MYO3B: variants seen among roughly 807,000 people sequenced by gnomAD.
MYO3B encodes the protein myosin IIIB.
In MYO3B, 156 loss-of-function variants were observed where a neutral mutation model predicts 174.6. The observed-to-expected ratio is 0.89, with a 90% CI of 0.78 to 1.02. The LOEUF is 1.02. MYO3B is among the 50% of genes least tolerant of loss of function. The pLI is 0.00. For synonymous variants in MYO3B, 563 were observed against 569.1 expected (o/e 0.99, Z 0.15); for missense variants, 1,632 against 1,639.4 (o/e 1.00, Z 0.08).
intron 25 of MYO3B, among the ~76,000 whole-genome samples, chr2:170,477,055 C>G (rs1685361337): frequency 6.6e-6 from 1 of 152,136 alleles, no homozygotes; most frequent in Non-Finnish European, 1.5e-5. Context: ...GGTAGGTTTG[C>G]CTAGGCCTGC....
intron 28 of MYO3B, among the ~76,000 whole-genome samples, chr2:170,505,004 A>C (rs566762603): frequency 1.3e-3 from 201 of 152,228 alleles, no homozygotes; most frequent in African/African-American, 4.3e-3. Context: ...AAATAAACAG[A>C]TGCCTTTCAA....
At chr2:170,593,871 A>G (rs1693974688) in intron 32 of MYO3B, among the ~76,000 whole-genome samples, 1 of 152,172 alleles carries the variant, frequency 6.6e-6, no homozygotes, top group Non-Finnish European at 1.5e-5. Flanking sequence ...GAAACATCCA[A>G]ACATTTTTCC....
intron 25 of MYO3B, among the ~76,000 whole-genome samples, chr2:170,467,096 C>T (rs1684686952): frequency 6.6e-6 from 1 of 152,156 alleles, no homozygotes; most frequent in South Asian, 2.1e-4. Context: ...ATAATTAACA[C>T]TTACATAACA....
At chr2:170,275,337 C>G (rs2093456879) in intron 7 of MYO3B, among the ~76,000 whole-genome samples, 1 of 152,150 alleles carries the variant, frequency 6.6e-6, no homozygotes, top group South Asian at 2.1e-4. Context: ...TTCTTTATTT[C>G]AAGACTTCCC....
intron 32 of MYO3B, among the ~76,000 whole-genome samples, chr2:170,618,340 A>G (rs911436546): frequency 1.3e-5 from 2 of 152,212 alleles, no homozygotes. Context: ...TAGAAGGATC[A>G]GTGTCATCAG....
At chr2:170,448,037 A>C (rs1683339947) in intron 23 of MYO3B, among the ~76,000 whole-genome samples, 1 of 152,194 alleles carries the variant, frequency 6.6e-6, no homozygotes, top group Non-Finnish European at 1.5e-5. Flanking sequence ...TGTTATCCCC[A>C]GGAGCAATCT....
Position 170,419,090 on chromosome 2 carries a change from T to A in MYO3B, c.2650+11246T>A, listed in dbSNP as rs138578435. 1.0e-3 allele frequency among the ~76,000 whole-genome samples: 153 copies of A among 152,292 alleles called. 4 individuals are homozygous for A. The East Asian group carries it at 0.027, about 27-fold the overall frequency. ...CAAAAAGATGCACACATTAGATGAATGTACTGTGAGAGTTGAGCTCAAGGT... is the reference window on the plus strand; with the variant it reads ...CAAAAAGATGCACACATTAGATGAAAGTACTGTGAGAGTTGAGCTCAAGGT... On this transcript the variant is annotated intron_variant, in intron 22 of 34. Coordinates refer to ENST00000408978, the MANE Select transcript of MYO3B (RefSeq NM_138995.5).
chr2:170,244,536 T>C lies in MYO3B; in HGVS notation c.749+8400T>C, dbSNP rs541872695. On this transcript the variant is annotated intron_variant, in intron 7 of 34. Coordinates refer to ENST00000408978, the MANE Select transcript of MYO3B (RefSeq NM_138995.5). The stretch of plus-strand genomic sequence containing the variant: ...ACTGCTGCCCCACTATCAGTGCTCT[T>C]AGAATTCTGGAGAACAGAAACAGTA... Among the ~76,000 whole-genome samples the C allele has an allele frequency of 3.3e-5, 5 of 152,264 alleles. No homozygotes were observed. In the South Asian group the frequency reaches 8.3e-4, roughly 25 times the overall value.
At chr2:170,340,860 G>T (rs2093972887) in intron 8 of MYO3B, 2 of 152,026 alleles carry the variant, frequency 1.3e-5, no homozygotes, top group South Asian at 4.2e-4. Context: ...AAAATACTCA[G>T]TATGCTGAGG....
intron 5 of MYO3B, among the ~76,000 whole-genome samples, chr2:170,215,568 T>A (rs1355585678): frequency 2.0e-5 from 3 of 151,980 alleles, no homozygotes; most frequent in African/African-American, 7.3e-5. Context: ...CGTGTTTTTT[T>A]AAAAGAATAT....
At chr2:170,260,086 C>T (rs1372478945) in intron 7 of MYO3B, among the ~76,000 whole-genome samples, 2 of 151,996 alleles carry the variant, frequency 1.3e-5, no homozygotes, top group African/African-American at 4.8e-5. Context: ...GGTGAGGCTG[C>T]AGAGAAAAGG....
At chr2:170,192,961 T>C (rs2092557931) in intron 1 of MYO3B, among the ~76,000 whole-genome samples, 1 of 151,814 alleles carries the variant, frequency 6.6e-6, no homozygotes, top group African/African-American at 2.4e-5. Context: ...TCCTTATTTT[T>C]AAAATTAAAA....
chr2:170,398,845 G>C (rs538658983), intron 16 of MYO3B, among the ~76,000 whole-genome samples: 1 of 152,152 alleles, frequency 6.6e-6, no homozygotes, highest in Non-Finnish European at 1.5e-5. Context: ...TCAGCCCTCT[G>C]TATATGTGGG....
intron 29 of MYO3B, 99 bp from the exon 30 acceptor site, chr2:170,519,339 G>A: frequency 1.2e-6 from 1 of 824,434 alleles, no homozygotes; most frequent in Non-Finnish European, 1.9e-6. Context: ...AGTGGTATGA[G>A]GGCAGGGAGA....
At chr2:170,272,736 A>G (rs2093434526) in intron 7 of MYO3B, among the ~76,000 whole-genome samples, 1 of 152,176 alleles carries the variant, frequency 6.6e-6, no homozygotes, top group Non-Finnish European at 1.5e-5. Flanking sequence ...TATTATTGTA[A>G]GAGTGAGTTC....
chr2:170,584,151 TTTTA>T (rs1398833660), intron 32 of MYO3B, among the ~76,000 whole-genome samples: 1 of 152,238 alleles, frequency 6.6e-6, no homozygotes, highest in African/African-American at 2.4e-5. Context: ...AATCTGAATT[TTTTA>T]TTTGATTTTA....
In MYO3B at chr2:170,369,333, G is replaced by A; in HGVS notation, c.927G>A (p.Lys309=). The A allele has an allele frequency of 6.2e-7, 1 of 1,613,574 alleles. No individual in the cohort carries two copies. Among genetic ancestry groups the A allele is most frequent in the South Asian group, 1.1e-5 (1 of 90,988 alleles). The change falls in exon 9 of 35, where the codon AAG becomes AAA. Residue 309 remains lysine, a synonymous_variant. Coordinates refer to ENST00000408978, the MANE Select transcript of MYO3B (RefSeq NM_138995.5). ...KVLFLQKQLA[K]VLQDQKHQNP... is the part of the protein sequence containing the mutation. ...TGTTTCTGCAAAAACAGCTGGCCAA[G>A]GTTCTCCAAGACCAGAAGCATCAAA...
chr2:170,243,307 A>G (rs2093156092), intron 7 of MYO3B, among the ~76,000 whole-genome samples: 1 of 152,244 alleles, frequency 6.6e-6, no homozygotes, highest in Non-Finnish European at 1.5e-5. Flanking sequence ...AGCCTTGGCT[A>G]GGATGACTTG....
chr2:170,378,947 T>G (rs187399355), intron 9 of MYO3B, among the ~76,000 whole-genome samples: 1 of 152,210 alleles, frequency 6.6e-6, no homozygotes. Context: ...CCTGTTACAA[T>G]TTACTTCTCA....
Sources: allele counts gnomAD v4.1 joint callset (sites outside exome capture counted in the v4.1 genomes callset), GRCh38; gene constraint gnomAD v4.1.1; transcripts MANE v1.5; gene names NCBI Gene and HGNC (gene_info 2026-07-23, HGNC 2026-07-21).